Variants in LRRC4C observed in about 807,000 individuals in gnomAD.
LRRC4C encodes the protein leucine-rich repeat-containing protein 4C.
In LRRC4C, 5 loss-of-function variants were observed where a neutral mutation model predicts 33.6. The observed-to-expected ratio is 0.15, with a 90% confidence interval of 0.08 to 0.31. LRRC4C has a LOEUF of 0.31. Among genes scored for constraint, LRRC4C ranks in the 10% least tolerant of loss-of-function variants. LRRC4C has a pLI of 1.00. For missense variants in LRRC4C, 560 were observed against 796.7 expected (o/e 0.70, Z 3.58); for synonymous variants, 329 against 302.0 (o/e 1.09, Z -0.93).
At chr11:40,836,650 C>G (rs1243670644) in intron 2 of LRRC4C, among the ~76,000 whole-genome samples, 3 of 152,076 alleles carry the variant, frequency 2.0e-5, no homozygotes, top group Non-Finnish European at 4.4e-5. Flanking sequence ...GTTGTTTAAG[C>G]ACTGGCTTTG....
intron 1 of LRRC4C, among the ~76,000 whole-genome samples, chr11:41,359,686 A>G (rs1952282208): frequency 6.6e-6 from 1 of 152,180 alleles, no homozygotes; most frequent in Non-Finnish European, 1.5e-5. Context: ...TGCATAAAGC[A>G]AGCTATTATT....
chr11:40,960,822 T>C (rs965809967), intron 1 of LRRC4C, among the ~76,000 whole-genome samples: 1 of 151,692 alleles, frequency 6.6e-6, no homozygotes, highest in African/African-American at 2.4e-5. Context: ...CAGTGGGTGC[T>C]GCTATGATTA....
chr11:40,442,947 C>T (rs1290160918), intron 3 of LRRC4C, among the ~76,000 whole-genome samples: 1 of 152,072 alleles, frequency 6.6e-6, no homozygotes. Flanking sequence ...GTGTAACTTG[C>T]CCAAAGAGTG....
At chr11:40,392,685 G>GA (rs1012453017) in intron 3 of LRRC4C, among the ~76,000 whole-genome samples, 12 of 151,404 alleles carry the variant, frequency 7.9e-5, no homozygotes, top group Non-Finnish European at 1.6e-4. Flanking sequence ...TTAAGTACTA[G>GA]AAAAAAAATG....
Position 41,128,049 on chromosome 11 carries a change from A to C in LRRC4C, c.-495-194326T>G, listed in dbSNP as rs1011727307. Among the ~76,000 whole-genome samples the C allele has an allele frequency of 2.0e-5, 3 of 152,134 alleles. No homozygotes were observed. In the East Asian group the frequency reaches 5.8e-4, roughly 29 times the overall value. ...AAAATGTGCTCTATGTAGGTCCTCT[A>C]ATTGGTAGATTGCACTATTCACATC... On this transcript the variant is annotated intron_variant, in intron 1 of 6. Coordinates refer to ENST00000528697, the MANE Select transcript of LRRC4C (RefSeq NM_001258419.2).
chr11:40,472,033 C>T (rs192049536), intron 3 of LRRC4C, among the ~76,000 whole-genome samples: 2 of 152,214 alleles, frequency 1.3e-5, no homozygotes, highest in Admixed American at 6.5e-5. Context: ...AGGTGGCTCG[C>T]ACCTGTAATC....
At chr11:41,072,847 T>C (rs1485119898) in intron 1 of LRRC4C, among the ~76,000 whole-genome samples, 1 of 152,218 alleles carries the variant, frequency 6.6e-6, no homozygotes, top group Admixed American at 6.5e-5. Context: ...TCCCAAATGA[T>C]TAACATAAAG....
intron 2 of LRRC4C, among the ~76,000 whole-genome samples, chr11:40,710,608 T>C (rs1346660823): frequency 3.3e-5 from 5 of 152,168 alleles, no homozygotes; most frequent in African/African-American, 9.7e-5. Context: ...GGCACCCGGC[T>C]GTTTGAGGTG....
At chr11:40,135,085 T>C (rs1856878846) in intron 6 of LRRC4C, among the ~76,000 whole-genome samples, 1 of 152,168 alleles carries the variant, frequency 6.6e-6, no homozygotes, top group Non-Finnish European at 1.5e-5. Context: ...AAATAGAAAC[T>C]GGTTTAAAGT....
chr11:41,252,233 G>C (rs1189032265), intron 1 of LRRC4C, among the ~76,000 whole-genome samples: 1 of 152,120 alleles, frequency 6.6e-6, no homozygotes, highest in Non-Finnish European at 1.5e-5. Flanking sequence ...AAATGTCGAG[G>C]AGAGGTTGGT....
chr11:41,227,432 A>G (rs956824978), intron 1 of LRRC4C, among the ~76,000 whole-genome samples: 2 of 152,162 alleles, frequency 1.3e-5, no homozygotes, highest in Non-Finnish European at 2.9e-5. Flanking sequence ...TTCCAAAAGT[A>G]CAGAAATATA....
chr11:40,233,463 A>C (rs971873257), intron 5 of LRRC4C, among the ~76,000 whole-genome samples: 7 of 152,216 alleles, frequency 4.6e-5, no homozygotes, highest in Admixed American at 3.3e-4. Flanking sequence ...AAATACTGTT[A>C]ATCAGCTGAT....
At chr11:40,459,324 C>G (rs1035394264) in intron 3 of LRRC4C, among the ~76,000 whole-genome samples, 1 of 152,182 alleles carries the variant, frequency 6.6e-6, no homozygotes, top group African/African-American at 2.4e-5. Context: ...TTCATTGGCA[C>G]TCATTTGCAG....
intron 1 of LRRC4C, among the ~76,000 whole-genome samples, chr11:41,172,599 G>A (rs749464682): frequency 1.3e-5 from 2 of 151,948 alleles, no homozygotes; most frequent in Non-Finnish European, 2.9e-5. Flanking sequence ...TTATTTCTCA[G>A]CTCTTACACC....
Position 40,789,077 on chromosome 11 carries a change from C to T in LRRC4C, c.-406-140799G>A, listed in dbSNP as rs536984437. Among the ~76,000 whole-genome samples the T allele has an allele frequency of 1.2e-4, 13 of 105,016 alleles. No homozygotes were observed. The South Asian group carries it at 1.9e-3, about 16-fold the overall frequency. 68.9% of individuals were successfully genotyped at this position (105,016 alleles called of 152,430 possible). Reference sequence around the variant, plus strand: ...CACTGCGCTCCAGCCTGGGTGAGAGCAAGACTCCGTCTCGGGAAAAAAAAA... The same window carrying T: ...CACTGCGCTCCAGCCTGGGTGAGAGTAAGACTCCGTCTCGGGAAAAAAAAA... On this transcript the variant is annotated intron_variant, in intron 2 of 6. Coordinates refer to ENST00000528697, the MANE Select transcript of LRRC4C (RefSeq NM_001258419.2).
At chr11:41,353,204 C>T (rs1952043919) in intron 1 of LRRC4C, among the ~76,000 whole-genome samples, 1 of 151,596 alleles carries the variant, frequency 6.6e-6, no homozygotes, top group South Asian at 2.1e-4. Flanking sequence ...ACCATCGACC[C>T]CAGAAAAACA....
intron 4 of LRRC4C, among the ~76,000 whole-genome samples, chr11:40,248,213 AAC>A (rs1421262463): frequency 6.6e-6 from 1 of 152,058 alleles, no homozygotes; most frequent in Admixed American, 6.5e-5. Flanking sequence ...AGCTTTTTTC[AAC>A]ACCTCTTCAC....
At chr11:40,754,205 G>C (rs921122990) in intron 2 of LRRC4C, among the ~76,000 whole-genome samples, 2 of 151,444 alleles carry the variant, frequency 1.3e-5, no homozygotes, top group African/African-American at 4.9e-5. Flanking sequence ...ATCACCATTG[G>C]CTATAAAGGA....
intron 3 of LRRC4C, among the ~76,000 whole-genome samples, chr11:40,437,448 C>T (rs1951189449): frequency 6.6e-6 from 1 of 151,326 alleles, no homozygotes; most frequent in South Asian, 2.1e-4. Flanking sequence ...GGCTGGAGTG[C>T]AGTGGCACAA....
Sources: gnomAD v4.1 joint callset for allele counts (sites outside exome capture counted in the v4.1 genomes callset) on GRCh38, gnomAD v4.1.1 for gene constraint, MANE v1.5 for transcripts, NCBI Gene and HGNC (gene_info 2026-07-23, HGNC 2026-07-21) for gene names.